Variants in TERF2 observed in about 807,000 individuals in gnomAD.
The protein encoded by TERF2 is telomeric repeat-binding factor 2.
Under a neutral mutation model 56.1 loss-of-function variants are expected in TERF2, and 16 were observed. That is an observed-to-expected ratio of 0.29 (90% CI 0.19 to 0.43). The LOEUF is 0.43. Among genes scored for constraint, TERF2 ranks in the 20% least tolerant of loss-of-function variants. TERF2 has a pLI of 1.00. For synonymous variants in TERF2, 296 were observed against 282.1 expected (o/e 1.05, Z -0.50); for missense variants, 547 against 712.9 (o/e 0.77, Z 2.65).
rs1167733436 is a variant in TERF2, at chr16:69,385,910, G to A, written c.62C>T (p.Ala21Val). Residue 21 changes from alanine to valine, a missense_variant, in exon 1 of 10, where the codon GCG becomes GTG. Coordinates refer to ENST00000254942, the MANE Select transcript of TERF2 (RefSeq NM_005652.5). Reference sequence around the variant, plus strand: ...GGGCCGCTTCCTCGGCTGTGACGCCGCTGGGTCACGCACGACGCCCGGGCC... The same window carrying A: ...GGGCCGCTTCCTCGGCTGTGACGCCACTGGGTCACGCACGACGCCCGGGCC... ...ASGPGVVRDP[A>V]ASQPRKRPGR... 1.3e-5 allele frequency: 18 copies of A among 1,390,900 alleles called. No individual in the cohort carries two copies. In the South Asian group the frequency reaches 2.1e-4, roughly 16 times the overall value. The allele number at this position is 1,390,900 out of a possible 1,614,324, so 86.2% of individuals were successfully genotyped here.
chr16:69,366,673 T>C, intron 7 of TERF2, 134 bp downstream of exon 7: 2 of 1,229,262 alleles, frequency 1.6e-6, no homozygotes, highest in Admixed American at 5.7e-5. Flanking sequence ...CACTCCTGCG[T>C]CAAGTTCTAG....
chr16:69,377,591 G>A (rs538158804), intron 3 of TERF2, among the ~76,000 whole-genome samples: 140 of 152,304 alleles, frequency 9.2e-4, no homozygotes, highest in African/African-American at 3.3e-3. Flanking sequence ...CTCCCAAAGT[G>A]CTGCCTGGCC....
intron 7 of TERF2, among the ~76,000 whole-genome samples, chr16:69,363,708 T>C (rs1013440780): frequency 2.0e-5 from 3 of 152,052 alleles, no homozygotes; most frequent in Non-Finnish European, 2.9e-5. Context: ...GTGGCTCACG[T>C]CTGTAATCCC....
At chr16:69,367,597 AG>A (rs1188386556) in intron 6 of TERF2, among the ~76,000 whole-genome samples, 4 of 152,148 alleles carry the variant, frequency 2.6e-5, no homozygotes. Flanking sequence ...TCAGAGTAAA[AG>A]GCATGCCACA....
At position 69,385,716 on chromosome 16, in the gene TERF2, C is replaced by A; in HGVS notation, c.256G>T (p.Gly86Trp). The A allele has an allele frequency of 6.3e-7, 1 of 1,585,478 alleles. No homozygotes were observed. Among genetic ancestry groups the A allele is most frequent in the Non-Finnish European group, 8.6e-7 (1 of 1,168,890 alleles). ...GLGGPAERGAGEARLEEAVNR... is the reference protein window; with the variant it reads ...GLGGPAERGAWEARLEEAVNR... ...ACTGCCTCTTCCAGCCGTGCCTCCC[C>A]CGCGCCGCGCTCCGCCGGGCCCCCC... The change falls in exon 1 of 10, where the codon GGG becomes TGG. Residue 86 changes from glycine to tryptophan, a missense_variant. Coordinates refer to ENST00000254942, the MANE Select transcript of TERF2 (RefSeq NM_005652.5).
chr16:69,368,242 G>A (rs2013425265), intron 6 of TERF2, 134 bp downstream of exon 6: 1 of 770,840 alleles, frequency 1.3e-6, no homozygotes, highest in Non-Finnish European at 2.1e-6. Context: ...CTCCCCCAGT[G>A]CCTTGTATGA....
intron 3 of TERF2, among the ~76,000 whole-genome samples, chr16:69,374,847 C>T (rs957670013): frequency 6.6e-6 from 1 of 151,618 alleles, no homozygotes; most frequent in Admixed American, 6.6e-5. Context: ...CACCTGTAGT[C>T]TCAGGTGCTT....
intron 3 of TERF2, among the ~76,000 whole-genome samples, chr16:69,376,502 T>TGCCC (rs1567453150): frequency 2.0e-5 from 3 of 152,144 alleles, no homozygotes; most frequent in Non-Finnish European, 4.4e-5. Flanking sequence ...GTTATTTAAA[T>TGCCC]TCCTTTGCTT....
Position 69,371,253 on chromosome 16 carries a change from C to G in TERF2, c.694-624G>C, listed in dbSNP as rs2013562182. Among the ~76,000 whole-genome samples, 8 of 151,976 alleles carry G rather than the reference C, an allele frequency of 5.3e-5. No individual in the cohort carries two copies. In the South Asian group the frequency reaches 1.7e-3, roughly 31 times the overall value. ...GTGGCTCACACCTGTAATGCCAGCA[C>G]TTTGGGAGGTCGAGGCGGGCGGATC... On this transcript the variant is annotated intron_variant, in intron 4 of 9. Coordinates refer to ENST00000254942, the MANE Select transcript of TERF2 (RefSeq NM_005652.5).
chr16:69,366,480 ATTTCT>A (rs1370034414), intron 7 of TERF2: 7 of 293,648 alleles, frequency 2.4e-5, no homozygotes, highest in African/African-American at 1.3e-4. Context: ...ATGCAAACAA[ATTTCT>A]TTTAACACAC....
At chr16:69,361,344 T>G in intron 8 of TERF2, 60 bp downstream of exon 8, 1 of 1,187,112 alleles carries the variant, frequency 8.4e-7, no homozygotes, top group Middle Eastern at 1.9e-4. Flanking sequence ...AACATGACAG[T>G]AACACGCATC....
Position 69,370,310 on chromosome 16 carries a change from C to A in TERF2, c.840+173G>T. On this transcript the variant is annotated intron_variant, in intron 5 of 9. Coordinates refer to ENST00000254942, the MANE Select transcript of TERF2 (RefSeq NM_005652.5). ...CCTCCCAAAGTGCTGGGATTACAGG[C>A]GTGAGCCATTGCGCCTGGCCTGCTT... 6 of 874,826 alleles carry A rather than the reference C, an allele frequency of 6.9e-6. No homozygotes were observed. The South Asian group carries it at 1.1e-4, about 16-fold the overall frequency. 54.2% of individuals were successfully genotyped at this position (874,826 alleles called of 1,614,324 possible). A position where few individuals can be genotyped will look rare whatever the true frequency, so the allele number is the denominator to read the frequency against.
chr16:69,379,264 T>G (rs2013908300), intron 3 of TERF2, among the ~76,000 whole-genome samples: 1 of 152,182 alleles, frequency 6.6e-6, no homozygotes, highest in Admixed American at 6.5e-5. Flanking sequence ...GCAGCAATGT[T>G]TAAAAAGCCT....
In TERF2 at chr16:69,374,574, G is replaced by A. The variant is rs140044728; in HGVS notation, c.607-2219C>T. Among the ~76,000 whole-genome samples the A allele has an allele frequency of 8.8e-5, 12 of 135,952 alleles. No homozygotes were observed. The East Asian group carries it at 2.8e-3, about 31-fold the overall frequency. The allele number at this position is 135,952 out of a possible 152,430, so 89.2% of individuals were successfully genotyped here. ...GAATTTGAGGGCAGCAGTGAGCTAT[G>A]ATCATGCCACTGCACTCCAGCCTGG... On this transcript the variant is annotated intron_variant, in intron 3 of 9. Coordinates refer to ENST00000254942, the MANE Select transcript of TERF2 (RefSeq NM_005652.5).
chr16:69,361,416 A>G lies in TERF2; in HGVS notation c.1414T>C (p.Phe472Leu). Residue 472 changes from phenylalanine to leucine, a missense_variant, in exon 8 of 10, where the codon TTT (phenylalanine) becomes CTT (leucine). Phe to Leu is a conservative substitution (Grantham distance 22, BLOSUM62 0). Transcript: ENST00000254942. The part of the protein sequence containing the change: ...KETWVEEDEL[F>L]QVQAAPDEDS... ...ATCTTCTGCTTACCCTGAACTTGAA[A>G]CAGTTCATCCTCTTCCACCCAAGTC... 6.2e-7 allele frequency: 1 copy of G among 1,613,010 alleles called. No individual in the cohort carries two copies. The highest frequency in any genetic ancestry group is 8.5e-7 in the Non-Finnish European group (1 of 1,179,024).
chr16:69,357,999 C>T (rs2012977845), intron 8 of TERF2, among the ~76,000 whole-genome samples: 2 of 151,392 alleles, frequency 1.3e-5, no homozygotes, highest in Admixed American at 1.3e-4. Context: ...CCCGCCACCA[C>T]GCCCGGCTAA....
At chr16:69,372,561 G>A (rs932533000) in intron 3 of TERF2, among the ~76,000 whole-genome samples, 3 of 152,096 alleles carry the variant, frequency 2.0e-5, no homozygotes, top group Admixed American at 6.5e-5. Flanking sequence ...TCGGGAGTTC[G>A]AGACCAGCCT....
intron 4 of TERF2, 128 bp downstream of exon 4, chr16:69,372,141 C>T: frequency 1.7e-6 from 1 of 577,162 alleles, no homozygotes; most frequent in African/African-American, 1.9e-5. Context: ...AGATAACTTG[C>T]TGCAGGTGTT....
At chr16:69,368,527 G>A (rs1272692774) in intron 5 of TERF2, 45 bp from the exon 6 acceptor site, 2 of 1,607,892 alleles carry the variant, frequency 1.2e-6, no homozygotes, top group Non-Finnish European at 1.7e-6. Flanking sequence ...CCACAGAATT[G>A]CATTAATTCT....
Sources: allele counts gnomAD v4.1 joint callset (sites outside exome capture counted in the v4.1 genomes callset), GRCh38; gene constraint gnomAD v4.1.1; transcripts MANE v1.5; gene names NCBI Gene and HGNC (gene_info 2026-07-23, HGNC 2026-07-21).